The following SOX5 variants were observed in gnomAD, a reference collection of about 807,000 sequenced individuals.
The protein encoded by SOX5 is SRY-box transcription factor 5, also known as transcription factor SOX-5.
Under a neutral mutation model 92.0 loss-of-function variants are expected in SOX5, and 9 were observed. The observed-to-expected ratio is 0.10, with a 90% CI of 0.06 to 0.17. SOX5 has a LOEUF of 0.17. Among genes scored for constraint, SOX5 ranks in the 10% least tolerant of loss-of-function variants. SOX5 has a pLI of 1.00. For missense variants in SOX5, 642 were observed against 944.5 expected (o/e 0.68, Z 4.20); for synonymous variants, 344 against 336.3 (o/e 1.02, Z -0.25).
intron 4 of SOX5, among the ~76,000 whole-genome samples, chr12:24,098,923 G>A (rs1945747929): frequency 6.6e-6 from 1 of 152,078 alleles, no homozygotes; most frequent in Non-Finnish European, 1.5e-5. Flanking sequence ...TTGTTCACTG[G>A]GTTTCAACGT....
intron 4 of SOX5, among the ~76,000 whole-genome samples, chr12:24,093,476 T>G (rs1471508285): frequency 6.7e-6 from 1 of 149,048 alleles, no homozygotes; most frequent in Non-Finnish European, 1.5e-5. Context: ...TGAGCCAAGA[T>G]CGCGCCACTG....
intron 4 of SOX5, among the ~76,000 whole-genome samples, chr12:23,741,581 C>T (rs1468493123): frequency 6.6e-6 from 1 of 151,828 alleles, no homozygotes; most frequent in East Asian, 1.9e-4. Flanking sequence ...TTCTCCCTTT[C>T]TTAAAAAAAA....
intron 6 of SOX5, among the ~76,000 whole-genome samples, chr12:23,710,199 G>T (rs1340890743): frequency 6.6e-6 from 1 of 151,970 alleles, no homozygotes; most frequent in Non-Finnish European, 1.5e-5. Context: ...GTTATATGTG[G>T]TACATAATTT....
intron 4 of SOX5, among the ~76,000 whole-genome samples, chr12:24,180,664 CT>C (rs1318028223): frequency 1.3e-5 from 2 of 152,202 alleles, no homozygotes; most frequent in Admixed American, 6.5e-5. Context: ...TCCTTTTCCC[CT>C]ATCCAAGCAT....
chr12:24,374,741 C>T (rs1957078479), intron 1 of SOX5, among the ~76,000 whole-genome samples: 1 of 152,148 alleles, frequency 6.6e-6, no homozygotes, highest in Non-Finnish European at 1.5e-5. Context: ...AGGAAGGACA[C>T]AGAGGTCAAC....
intron 4 of SOX5, among the ~76,000 whole-genome samples, chr12:23,960,528 T>C (rs559472833): frequency 0.081 from 5,302 of 65,186 alleles, 118 homozygotes; most frequent in Middle Eastern, 0.15. Context: ...TATATATATA[T>C]ACATATATAT....
chr12:24,256,516 G>T (rs1941194443), intron 3 of SOX5, among the ~76,000 whole-genome samples: 1 of 152,140 alleles, frequency 6.6e-6, no homozygotes, highest in African/African-American at 2.4e-5. Flanking sequence ...GGAATTTTAA[G>T]CAGCTTTGTC....
chr12:23,702,487 C>A (rs1342017868), intron 6 of SOX5, among the ~76,000 whole-genome samples: 2 of 151,962 alleles, frequency 1.3e-5, no homozygotes, highest in African/African-American at 4.8e-5. Flanking sequence ...ACTAGAGAAA[C>A]CATATTTTAC....
At chr12:24,371,340 T>A (rs546764476) in intron 1 of SOX5, among the ~76,000 whole-genome samples, 1 of 152,188 alleles carries the variant, frequency 6.6e-6, no homozygotes. Context: ...AGACAGATTT[T>A]TCCCCCCCAG....
At chr12:24,322,192 T>C (rs929266833) in intron 2 of SOX5, among the ~76,000 whole-genome samples, 1 of 152,150 alleles carries the variant, frequency 6.6e-6, no homozygotes, top group African/African-American at 2.4e-5. Context: ...ATCTCATTCA[T>C]GACATGAAAA....
intron 4 of SOX5, among the ~76,000 whole-genome samples, chr12:24,204,381 T>C (rs1246271527): frequency 6.6e-6 from 1 of 151,854 alleles, no homozygotes; most frequent in African/African-American, 2.4e-5. Context: ...CAGGCTGGAG[T>C]GCAGTGGCAC....
At chr12:23,758,515 C>T (rs1030772556) in intron 3 of SOX5, among the ~76,000 whole-genome samples, 1 of 151,766 alleles carries the variant, frequency 6.6e-6, no homozygotes, top group Admixed American at 6.6e-5. Context: ...TCTCAGACTG[C>T]TCACAGTAAT....
At chr12:24,127,752 C>T (rs972291438) in intron 4 of SOX5, among the ~76,000 whole-genome samples, 1 of 152,168 alleles carries the variant, frequency 6.6e-6, no homozygotes, top group African/African-American at 2.4e-5. Context: ...TGCTTCCACC[C>T]CAATACCACC....
intron 1 of SOX5, among the ~76,000 whole-genome samples, chr12:24,502,984 A>G (rs1257712658): frequency 1.3e-5 from 2 of 152,242 alleles, no homozygotes; most frequent in Non-Finnish European, 2.9e-5. Flanking sequence ...GGAAAGCTGA[A>G]GAATTGTCAC....
intron 2 of SOX5, among the ~76,000 whole-genome samples, chr12:23,864,844 A>T (rs2096794142): frequency 6.6e-6 from 1 of 152,236 alleles, no homozygotes. Context: ...CCTAGCTAAG[A>T]TAATTGATGA....
At chr12:24,475,967 G>C (rs1348917136) in intron 1 of SOX5, among the ~76,000 whole-genome samples, 1 of 147,220 alleles carries the variant, frequency 6.8e-6, no homozygotes, top group Non-Finnish European at 1.5e-5. Flanking sequence ...GGATGACAGA[G>C]CAAGACCCTG....
intron 9 of SOX5, among the ~76,000 whole-genome samples, chr12:23,598,386 T>C (rs1419146739): frequency 2.4e-5 from 3 of 127,290 alleles, no homozygotes; most frequent in African/African-American, 5.3e-5. Flanking sequence ...TTGTGCTTTA[T>C]CTTTTTTTTT....
chr12:24,201,325 CAT>C (rs1340789706), intron 4 of SOX5, among the ~76,000 whole-genome samples: 4 of 150,734 alleles, frequency 2.7e-5, no homozygotes, highest in South Asian at 2.1e-4. Flanking sequence ...GATAAAATCA[CAT>C]GATTTGTATC....
At chr12:23,634,863 G>A (rs1243710252) in intron 8 of SOX5, among the ~76,000 whole-genome samples, 1 of 152,044 alleles carries the variant, frequency 6.6e-6, no homozygotes, top group Non-Finnish European at 1.5e-5. Context: ...ATATTATAAA[G>A]CAAGATAGCT....
Sources: gnomAD v4.1 joint callset for allele counts (sites outside exome capture counted in the v4.1 genomes callset) on GRCh38, gnomAD v4.1.1 for gene constraint, MANE v1.5 for transcripts, NCBI Gene and HGNC (gene_info 2026-07-23, HGNC 2026-07-21) for gene names.